SYNPO2L: variants seen among roughly 807,000 people sequenced by gnomAD.
SYNPO2L encodes the protein synaptopodin 2-like protein.
SYNPO2L carries 34 observed loss-of-function variants against 47.5 expected under a neutral mutation model. The ratio of observed to expected loss-of-function variants is 0.72; its 90% CI spans 0.54 to 0.95. SYNPO2L has a LOEUF of 0.95. SYNPO2L is among the 40% of genes least tolerant of loss of function. The probability of loss-of-function intolerance (pLI) is 0.00; values close to 1 mark genes in which losing one functional copy is unlikely to be tolerated. For synonymous variants in SYNPO2L, 536 were observed against 524.9 expected (o/e 1.02, Z -0.29); for missense variants, 1,246 against 1,282.0 (o/e 0.97, Z 0.43).
intron 1 of SYNPO2L, among the ~76,000 whole-genome samples, chr10:73,654,766 C>A (rs772966602): frequency 6.6e-6 from 1 of 151,976 alleles, no homozygotes; most frequent in Admixed American, 6.6e-5. Flanking sequence ...TTGCTTGAAC[C>A]CAGGAAGCAG....
Position 73,645,311 on chromosome 10 carries a change from G to A in SYNPO2L, c.*1407C>T. On this transcript the variant is annotated 3_prime_UTR_variant, in exon 4 of 4. Transcript: ENST00000394810. ...TTTTCCAATCCCCCTCTCACACACG[G>A]TTGGTTTCTTGTTACTCAACTTTAC... 1.9e-6 allele frequency: 2 copies of A among 1,078,842 alleles called. No individual in the cohort carries two copies. Among genetic ancestry groups the A allele is most frequent in the Non-Finnish European group, 2.3e-6 (2 of 883,598 alleles). 66.8% of individuals were successfully genotyped at this position (1,078,842 alleles called of 1,614,324 possible). A position where few individuals can be genotyped will look rare whatever the true frequency, so the allele number is the denominator to read the frequency against.
chr10:73,651,404 A>G (rs1415381434), intron 3 of SYNPO2L, among the ~76,000 whole-genome samples: 3 of 152,140 alleles, frequency 2.0e-5, no homozygotes, highest in African/African-American at 7.2e-5. Context: ...TCATGTCCTT[A>G]GCCTCCACTC....
Position 73,646,868 on chromosome 10 carries a change from A to G in SYNPO2L, c.2784T>C (p.Pro928=), listed in dbSNP as rs2081757822. ...CTGGAGGAGGGGCTGGGCTAGGAAC[A>G]GGGGCTGAGGCCAGTTCTGTTCTCC... ...PIWRTELASA[P]VPSPAPPPEA... Residue 928 remains proline, a synonymous_variant, in exon 4 of 4, where the codon CCT becomes CCC. Coordinates refer to ENST00000394810, the MANE Select transcript of SYNPO2L (RefSeq NM_001114133.3). 1.3e-6 allele frequency: 2 copies of G among 1,558,320 alleles called. No homozygotes were observed. The highest frequency in any genetic ancestry group is 8.7e-7 in the Non-Finnish European group (1 of 1,151,164).
rs1289352310 is a variant in SYNPO2L, at chr10:73,644,972, A to AC, written c.*1745dup. 2 of 1,233,292 alleles carry AC rather than the reference A, an allele frequency of 1.6e-6. No individual in the cohort carries two copies. Among genetic ancestry groups the AC allele is most frequent in the East Asian group, 7.5e-5 (1 of 13,380 alleles). The allele number at this position is 1,233,292 out of a possible 1,614,324, so 76.4% of individuals were successfully genotyped here. Reference sequence around the variant, plus strand: ...AAAGGAAATTATCACTTTCCAGATTACACAGCAAACGTAGCTGGTGGTGGT... The same window carrying AC: ...AAAGGAAATTATCACTTTCCAGATTACCACAGCAAACGTAGCTGGTGGTGGT... On this transcript the variant is annotated 3_prime_UTR_variant, in exon 4 of 4. Coordinates refer to ENST00000394810, the MANE Select transcript of SYNPO2L (RefSeq NM_001114133.3).
chr10:73,646,355 CT>C lies in SYNPO2L; in HGVS notation c.*362del. 9.9e-7 allele frequency: 1 copy of C among 1,010,322 alleles called. No homozygotes were observed. The highest frequency in any genetic ancestry group is 1.2e-6 in the Non-Finnish European group (1 of 847,422). The allele number at this position is 1,010,322 out of a possible 1,614,324, so 62.6% of individuals were successfully genotyped here. Reference sequence around the variant, plus strand: ...TTGCCTGAAGTCCCAGTGGTCACTTCTGCTCTGTTTACTTCTCACTGAACAT... The same window carrying C: ...TTGCCTGAAGTCCCAGTGGTCACTTCGCTCTGTTTACTTCTCACTGAACAT... On this transcript the variant is annotated 3_prime_UTR_variant, in exon 4 of 4. Transcript: ENST00000394810.
In SYNPO2L at chr10:73,647,711, C is replaced by G; in HGVS notation, c.1941G>C (p.Ser647=). ...FRPGKEETKN[S]PNPELLSLVQ... ...CCAGCGATAGCAGCTCGGGGTTGGG[C>G]GAGTTCTTCGTCTCCTCCTTTCCCG... The change falls in exon 4 of 4, where the codon TCG becomes TCC. Residue 647 remains serine, a synonymous_variant. Coordinates refer to ENST00000394810, the MANE Select transcript of SYNPO2L (RefSeq NM_001114133.3). The G allele has an allele frequency of 1.2e-6, 2 of 1,614,136 alleles. No homozygotes were observed. Among genetic ancestry groups the G allele is most frequent in the Non-Finnish European group, 1.7e-6 (2 of 1,179,998 alleles).
Position 73,647,711 on chromosome 10 carries a change from C to A in SYNPO2L, c.1941G>T (p.Ser647=), listed in dbSNP as rs1218709395. Residue 647 remains serine (S), a synonymous_variant, in exon 4 of 4, where the codon TCG becomes TCT. Coordinates refer to ENST00000394810, the MANE Select transcript of SYNPO2L (RefSeq NM_001114133.3). ...CCAGCGATAGCAGCTCGGGGTTGGG[C>A]GAGTTCTTCGTCTCCTCCTTTCCCG... ...FRPGKEETKN[S]PNPELLSLVQ... 1 of 1,614,018 alleles carries A rather than the reference C, an allele frequency of 6.2e-7. No homozygotes were observed. The highest frequency in any genetic ancestry group is 1.7e-5 in the Admixed American group (1 of 60,000).
chr10:73,653,130 G>A lies in SYNPO2L; in HGVS notation c.772+9C>T. 6.9e-7 allele frequency: 1 copy of A among 1,446,576 alleles called. No individual in the cohort carries two copies. The highest frequency in any genetic ancestry group is 9.1e-7 in the Non-Finnish European group (1 of 1,095,810). The allele number at this position is 1,446,576 out of a possible 1,614,324, so 89.6% of individuals were successfully genotyped here. A position where few individuals can be genotyped will look rare whatever the true frequency, so the allele number is the denominator to read the frequency against. Reference sequence around the variant, plus strand: ...ATCCTGGCTGGGGAAAAGGGGTTCAGGCACTCACTGGCTTGCTTGGCCTTC... The same window carrying A: ...ATCCTGGCTGGGGAAAAGGGGTTCAAGCACTCACTGGCTTGCTTGGCCTTC... On this transcript the variant is annotated intron_variant, in intron 3 of 3. Coordinates refer to ENST00000394810, the MANE Select transcript of SYNPO2L (RefSeq NM_001114133.3).
intron 2 of SYNPO2L, 119 bp downstream of exon 2, chr10:73,654,010 A>G (rs911583413): frequency 3.0e-6 from 4 of 1,324,684 alleles, no homozygotes; most frequent in Admixed American, 2.5e-5. Flanking sequence ...ACTCCAGCAG[A>G]AACGCACGAG....
intron 1 of SYNPO2L, among the ~76,000 whole-genome samples, chr10:73,654,504 G>C (rs1418005831): frequency 6.6e-6 from 1 of 152,180 alleles, no homozygotes; most frequent in Non-Finnish European, 1.5e-5. Context: ...GGTAACCATT[G>C]AATGAAAGAG....
At chr10:73,655,631 C>T (rs1444349615) in intron 1 of SYNPO2L, among the ~76,000 whole-genome samples, 187 bp downstream of exon 1, 1 of 151,950 alleles carries the variant, frequency 6.6e-6, no homozygotes, top group Non-Finnish European at 1.5e-5. Flanking sequence ...CTAATAGACC[C>T]CCACAGGAAG....
Position 73,650,817 on chromosome 10 carries a change from A to C in SYNPO2L, c.773-1938T>G, listed in dbSNP as rs2081835125. On this transcript the variant is annotated intron_variant, in intron 3 of 3. Transcript: ENST00000394810. ...GACAGCAAAAAGGAACAAGAGAGTA[A>C]GACCTTTCCCAAAGACTACCCTTCC... 4 of 1,432,440 alleles carry C rather than the reference A, an allele frequency of 2.8e-6. No homozygotes were observed. The South Asian group carries it at 6.5e-5, about 23-fold the overall frequency. 88.7% of individuals were successfully genotyped at this position (1,432,440 alleles called of 1,614,324 possible). A position where few individuals can be genotyped will look rare whatever the true frequency, so the allele number is the denominator to read the frequency against.
Position 73,647,084 on chromosome 10 carries a change from T to C in SYNPO2L, c.2568A>G (p.Gln856=), listed in dbSNP as rs1319950818. The change falls in exon 4 of 4, where the codon CAA becomes CAG. Residue 856 remains glutamine, a synonymous_variant. Coordinates refer to ENST00000394810, the MANE Select transcript of SYNPO2L (RefSeq NM_001114133.3). ...ALDFMRHQPY[Q]LKTAMFCFDE... is the part of the protein sequence containing the mutation. ...CAAAACAGAACATGGCAGTTTTAAGTTGATAGGGCTGATGCCGCATAAAAT... is the reference window on the plus strand; with the variant it reads ...CAAAACAGAACATGGCAGTTTTAAGCTGATAGGGCTGATGCCGCATAAAAT... 4 of 1,613,630 alleles carry C rather than the reference T, an allele frequency of 2.5e-6. No individual in the cohort carries two copies. Among genetic ancestry groups the C allele is most frequent in the South Asian group, 2.2e-5 (2 of 91,060 alleles).
chr10:73,654,264 T>C lies in SYNPO2L; in HGVS notation c.122A>G (p.Gln41Arg). Residue 41 changes from glutamine (Q) to arginine (R), a missense_variant, in exon 2 of 4, where the codon CAG becomes CGG. By Grantham distance (43) the Gln-to-Arg change is conservative. Transcript: ENST00000394810. ...LQVSKIRRRS[Q>R]AGRAGLRERD... ...CTCTCGGAGTCCTGCTCTGCCAGCC[T>C]GGCTCCGTCTTCGAATCTGAGATGT... 6.4e-7 allele frequency: 1 copy of C among 1,551,606 alleles called. No homozygotes were observed. Among genetic ancestry groups the C allele is most frequent in the South Asian group, 1.2e-5 (1 of 84,042 alleles).
intron 3 of SYNPO2L, chr10:73,651,142 C>A (rs2081838479): frequency 7.5e-7 from 1 of 1,332,732 alleles, no homozygotes; most frequent in Admixed American, 3.1e-5. Context: ...TGGCCCTCTC[C>A]CTTCTCTGGG....
chr10:73,653,001 CCTTCTA>C (rs2081852771), intron 3 of SYNPO2L, 132 bp downstream of exon 3: 1 of 1,047,640 alleles, frequency 9.5e-7, no homozygotes, highest in East Asian at 2.9e-5. Flanking sequence ...ATTATGCTCC[CCTTCTA>C]CTCATTACCC....
rs1223082000 is a variant in SYNPO2L, at chr10:73,645,646, A to T, written c.*1072T>A. 1 of 985,892 alleles carries T rather than the reference A, an allele frequency of 1.0e-6. No individual in the cohort carries two copies. Among genetic ancestry groups the T allele is most frequent in the Non-Finnish European group, 1.2e-6 (1 of 830,194 alleles). 61.1% of individuals were successfully genotyped at this position (985,892 alleles called of 1,614,324 possible). On this transcript the variant is annotated 3_prime_UTR_variant, in exon 4 of 4. Coordinates refer to ENST00000394810, the MANE Select transcript of SYNPO2L (RefSeq NM_001114133.3). ...TAGCTGGTATAACTCAGCCCATGCA[A>T]ACTGTCCTGGCCCTTCAGTCTTTTC...
In SYNPO2L at chr10:73,644,958, T is replaced by C. The variant is rs1196354937; in HGVS notation, c.*1760A>G. On this transcript the variant is annotated 3_prime_UTR_variant, in exon 4 of 4. Transcript: ENST00000394810. ...CACACCCAACAAGCAAAGGAAATTA[T>C]CACTTTCCAGATTACACAGCAAACG... is the stretch of plus-strand genomic sequence containing the variant. The C allele has an allele frequency of 2.9e-5, 35 of 1,205,948 alleles. No homozygotes were observed. Among genetic ancestry groups the C allele is most frequent in the Non-Finnish European group, 3.6e-5 (34 of 939,118 alleles). The allele number at this position is 1,205,948 out of a possible 1,614,324, so 74.7% of individuals were successfully genotyped here. A position where few individuals can be genotyped will look rare whatever the true frequency, so the allele number is the denominator to read the frequency against.
chr10:73,645,270 C>A lies in SYNPO2L; in HGVS notation c.*1448G>T. The A allele has an allele frequency of 9.2e-7, 1 of 1,089,716 alleles. No homozygotes were observed. The highest frequency in any genetic ancestry group is 1.7e-5 in the African/African-American group (1 of 57,786). 67.5% of individuals were successfully genotyped at this position (1,089,716 alleles called of 1,614,324 possible). A position where few individuals can be genotyped will look rare whatever the true frequency, so the allele number is the denominator to read the frequency against. ...CATCATTCCCTTCCATTCTAACATT[C>A]TTCTCCCTCAAATTTTTTTCCAATC... On this transcript the variant is annotated 3_prime_UTR_variant, in exon 4 of 4. Transcript: ENST00000394810.
Sources: gnomAD v4.1 joint callset for allele counts (sites outside exome capture counted in the v4.1 genomes callset) on GRCh38, gnomAD v4.1.1 for gene constraint, MANE v1.5 for transcripts, NCBI Gene and HGNC (gene_info 2026-07-23, HGNC 2026-07-21) for gene names.